HHIP: variants seen among roughly 807,000 people sequenced by gnomAD.
HHIP encodes hedgehog interacting protein.
HHIP carries 12 observed loss-of-function variants against 74.0 expected under a neutral mutation model. The observed-to-expected ratio is 0.16, with a 90% CI of 0.10 to 0.26. HHIP has a LOEUF of 0.26. Among genes scored for constraint, HHIP ranks in the 10% least tolerant of loss-of-function variants. The pLI is 1.00. For synonymous variants in HHIP, 309 were observed against 311.6 expected (o/e 0.99, Z 0.09); for missense variants, 788 against 845.0 (o/e 0.93, Z 0.84).
At chr4:144,711,585 C>T (rs1578716631) in intron 7 of HHIP, among the ~76,000 whole-genome samples, 4 of 151,998 alleles carry the variant, frequency 2.6e-5, no homozygotes, top group Admixed American at 1.3e-4. Flanking sequence ...TAAGAACAGG[C>T]GGTGTTTGGT....
At chr4:144,676,873 G>A (rs181519998) in intron 4 of HHIP, among the ~76,000 whole-genome samples, 12 of 152,284 alleles carry the variant, frequency 7.9e-5, no homozygotes, top group Admixed American at 3.9e-4. Context: ...CAGGTGAACC[G>A]GTAACTCCAT....
chr4:144,701,588 T>C (rs1303069793), intron 4 of HHIP, among the ~76,000 whole-genome samples: 2 of 152,198 alleles, frequency 1.3e-5, no homozygotes, highest in Non-Finnish European at 2.9e-5. Context: ...TTTATTCTTA[T>C]TGATTGTTTA....
chr4:144,654,005 G>A (rs1728494204), intron 2 of HHIP, among the ~76,000 whole-genome samples: 1 of 152,106 alleles, frequency 6.6e-6, no homozygotes, highest in Non-Finnish European at 1.5e-5. Flanking sequence ...AGTGATAACA[G>A]ATTAGATACC....
At chr4:144,683,737 G>C (rs927058549) in intron 4 of HHIP, among the ~76,000 whole-genome samples, 12 of 152,150 alleles carry the variant, frequency 7.9e-5, no homozygotes, top group African/African-American at 2.9e-4. Context: ...TGTATTCTCT[G>C]TGGCTACTTT....
At chr4:144,687,971 A>G (rs983879196) in intron 4 of HHIP, among the ~76,000 whole-genome samples, 1 of 151,950 alleles carries the variant, frequency 6.6e-6, no homozygotes, top group African/African-American at 2.4e-5. Flanking sequence ...AAGGAAACTC[A>G]TGTTCAGAAA....
chr4:144,663,131 C>CA (rs1296616947), intron 4 of HHIP, among the ~76,000 whole-genome samples: 4 of 151,632 alleles, frequency 2.6e-5, no homozygotes, highest in African/African-American at 9.7e-5. Context: ...AATAAAATTA[C>CA]AAAAAAAATT....
At chr4:144,671,983 C>CAAAT (rs1050924126) in intron 4 of HHIP, among the ~76,000 whole-genome samples, 2 of 152,108 alleles carry the variant, frequency 1.3e-5, no homozygotes, top group Middle Eastern at 3.4e-3. Flanking sequence ...GACTCCATCA[C>CAAAT]AAATAAATAA....
At chr4:144,651,760 T>TG (rs1219214421) in intron 1 of HHIP, among the ~76,000 whole-genome samples, 1 of 127,896 alleles carries the variant, frequency 7.8e-6, no homozygotes, top group Non-Finnish European at 1.9e-5. Context: ...CAACAAGACC[T>TG]ATCTGTCCAC....
intron 4 of HHIP, among the ~76,000 whole-genome samples, chr4:144,661,939 C>CTTTAGTAAT (rs1728726659): frequency 2.0e-5 from 3 of 152,134 alleles, no homozygotes; most frequent in Non-Finnish European, 4.4e-5. Context: ...GTATTAGTTG[C>CTTTAGTAAT]AATACTCAAA....
intron 11 of HHIP, among the ~76,000 whole-genome samples, chr4:144,720,754 G>A (rs887648831): frequency 5.3e-5 from 8 of 152,068 alleles, no homozygotes; most frequent in African/African-American, 9.7e-5. Context: ...CTTGTACACA[G>A]ACATGAGCAT....
intron 10 of HHIP, among the ~76,000 whole-genome samples, chr4:144,716,013 T>C (rs1730436523): frequency 6.6e-6 from 1 of 152,184 alleles, no homozygotes; most frequent in Admixed American, 6.5e-5. Context: ...TACCAAAATG[T>C]ATGCAGCTTA....
At chr4:144,707,294 G>T (rs1330427221) in intron 6 of HHIP, 34 bp downstream of exon 6, 2 of 1,516,674 alleles carry the variant, frequency 1.3e-6, no homozygotes, top group African/African-American at 2.8e-5. Context: ...TTCCTCTCAA[G>T]GTTAAAATAG....
intron 4 of HHIP, among the ~76,000 whole-genome samples, chr4:144,687,241 C>T (rs2126629544): frequency 6.6e-6 from 1 of 152,240 alleles, no homozygotes; most frequent in Middle Eastern, 3.4e-3. Context: ...GCAGAAGCTA[C>T]ATTGCAATAA....
intron 10 of HHIP, 152 bp from the exon 11 acceptor site, chr4:144,718,723 G>A: frequency 3.1e-6 from 2 of 653,080 alleles, no homozygotes; most frequent in South Asian, 1.7e-5. Flanking sequence ...CACTGTAAAG[G>A]CAGACATGTG....
At chr4:144,727,202 G>T (rs1192750114) in intron 11 of HHIP, among the ~76,000 whole-genome samples, 1 of 152,182 alleles carries the variant, frequency 6.6e-6, no homozygotes, top group Non-Finnish European at 1.5e-5. Flanking sequence ...TCCGTTTCTG[G>T]TTTACATATT....
chr4:144,675,281 A>T (rs1449797018), intron 4 of HHIP, among the ~76,000 whole-genome samples: 1 of 152,172 alleles, frequency 6.6e-6, no homozygotes, highest in East Asian at 1.9e-4. Flanking sequence ...AATGCATAAG[A>T]ACAATTAGAG....
chr4:144,672,750 G>A lies in HHIP; in HGVS notation c.831+12912G>A, dbSNP rs182108343. The stretch of plus-strand genomic sequence containing the variant: ...GGAGTCTTGCTTTGTCACCCAGGCT[G>A]GAGTGCAGTGGCACAATCTCGGCTT... On this transcript the variant is annotated intron_variant, in intron 4 of 12. Transcript: ENST00000296575. Among the ~76,000 whole-genome samples the A allele has an allele frequency of 5.4e-3, 817 of 152,182 alleles. 7 individuals carry two copies. Among genetic ancestry groups the A allele is most frequent in the African/African-American group, 0.019 (796 of 41,500 alleles).
rs1469215684 is a variant in HHIP, at chr4:144,743,793, T to C, written c.*5836T>C. The stretch of plus-strand genomic sequence containing the variant: ...TAATGGCTAAATATGAAATAAGCTT[T>C]GTCTTTGCAGTTACAAACTAATTCT... On this transcript the variant is annotated 3_prime_UTR_variant, in exon 13 of 13. Coordinates refer to ENST00000296575, the MANE Select transcript of HHIP (RefSeq NM_022475.3). The C allele has an allele frequency of 6.6e-6, 1 of 152,142 alleles. No individual in the cohort carries two copies. Among genetic ancestry groups the C allele is most frequent in the African/African-American group, 2.4e-5 (1 of 41,440 alleles). The allele number at this position is 152,142 out of a possible 1,614,324, so 9.4% of individuals were successfully genotyped here.
chr4:144,659,305 A>G (rs577159613), intron 3 of HHIP, among the ~76,000 whole-genome samples: 7 of 152,344 alleles, frequency 4.6e-5, no homozygotes, highest in African/African-American at 1.7e-4. Flanking sequence ...TTCTCTCTAC[A>G]TGCCTTCCAT....
Sources: allele counts gnomAD v4.1 joint callset (sites outside exome capture counted in the v4.1 genomes callset), GRCh38; gene constraint gnomAD v4.1.1; transcripts MANE v1.5; gene names NCBI Gene and HGNC (gene_info 2026-07-23, HGNC 2026-07-21).